The following CTNND2 variants were observed in gnomAD, a reference collection of about 807,000 sequenced individuals.
CTNND2 encodes the protein catenin delta 2.
In CTNND2, 22 loss-of-function variants were observed where a neutral mutation model predicts 144.4. The ratio of observed to expected loss-of-function variants is 0.15; its 90% confidence interval spans 0.11 to 0.22. CTNND2 has a LOEUF of 0.22. CTNND2 is among the 10% of genes least tolerant of loss of function. The pLI, the probability that CTNND2 is intolerant of heterozygous loss-of-function variation, is 1.00. For synonymous variants in CTNND2, 751 were observed against 695.6 expected (o/e 1.08, Z -1.25); for missense variants, 1,353 against 1,618.8 (o/e 0.84, Z 2.82).
intron 7 of CTNND2, among the ~76,000 whole-genome samples, chr5:11,382,599 G>GTATATGTA (rs749836379): frequency 2.5e-5 from 2 of 81,412 alleles, no homozygotes; most frequent in Non-Finnish European, 5.7e-5. Flanking sequence ...GAGACTCTGT[G>GTATATGTA]TGTGTGTGTG....
At chr5:11,771,641 C>A (rs958284124) in intron 1 of CTNND2, among the ~76,000 whole-genome samples, 1 of 152,096 alleles carries the variant, frequency 6.6e-6, no homozygotes, top group African/African-American at 2.4e-5. Flanking sequence ...CTTCTCCTGA[C>A]CCCCGTCTAT....
intron 1 of CTNND2, among the ~76,000 whole-genome samples, chr5:11,746,757 G>A (rs1788337606): frequency 6.6e-6 from 1 of 152,036 alleles, no homozygotes; most frequent in African/African-American, 2.4e-5. Context: ...CTAGTAAAGA[G>A]CTGGCATCAT....
chr5:11,683,769 C>T (rs1238141037), intron 2 of CTNND2, among the ~76,000 whole-genome samples: 1 of 152,254 alleles, frequency 6.6e-6, no homozygotes, highest in Non-Finnish European at 1.5e-5. Flanking sequence ...CCTCTGTTGA[C>T]ACCCTATGGA....
At chr5:11,417,322 A>T (rs1485103828) in intron 3 of CTNND2, among the ~76,000 whole-genome samples, 1 of 152,198 alleles carries the variant, frequency 6.6e-6, no homozygotes, top group Non-Finnish European at 1.5e-5. Flanking sequence ...TGGCTACATC[A>T]AAAGTAAAAC....
At chr5:11,295,709 C>T (rs1748876657) in intron 9 of CTNND2, among the ~76,000 whole-genome samples, 1 of 152,058 alleles carries the variant, frequency 6.6e-6, no homozygotes, top group Admixed American at 6.5e-5. Flanking sequence ...CTTTGACAAA[C>T]CTGACAAAAA....
chr5:11,617,906 C>A (rs16901801), intron 2 of CTNND2, among the ~76,000 whole-genome samples: 5,385 of 152,222 alleles, frequency 0.035, 148 homozygotes, highest in East Asian at 0.11. Flanking sequence ...TGACTGCCCA[C>A]ATTTTATGGA....
intron 9 of CTNND2, among the ~76,000 whole-genome samples, chr5:11,242,431 C>T (rs144527178): frequency 6.6e-6 from 1 of 152,282 alleles, no homozygotes; most frequent in African/African-American, 2.4e-5. Flanking sequence ...GAAATAATGT[C>T]TAAAACAGTG....
chr5:11,596,105 G>A (rs1351096519), intron 2 of CTNND2, among the ~76,000 whole-genome samples: 1 of 152,062 alleles, frequency 6.6e-6, no homozygotes, highest in African/African-American at 2.4e-5. Flanking sequence ...GGCAGAACTG[G>A]GAGTATTTTT....
At chr5:11,212,295 A>C (rs1009177902) in intron 10 of CTNND2, among the ~76,000 whole-genome samples, 1 of 152,214 alleles carries the variant, frequency 6.6e-6, no homozygotes, top group Non-Finnish European at 1.5e-5. Context: ...CCCACAGGAA[A>C]GTCACAAAAC....
chr5:11,145,210 G>C (rs1368436760), intron 12 of CTNND2, among the ~76,000 whole-genome samples: 1 of 152,042 alleles, frequency 6.6e-6, no homozygotes, highest in African/African-American at 2.4e-5. Context: ...CATTCACATT[G>C]TTGTGCCGAA....
intron 16 of CTNND2, among the ~76,000 whole-genome samples, chr5:11,064,832 C>T (rs1561247134): frequency 6.6e-6 from 1 of 152,214 alleles, no homozygotes; most frequent in Non-Finnish European, 1.5e-5. Context: ...GTCAATCACA[C>T]TGTTACTATC....
chr5:10,992,932 C>T (rs987116393), intron 18 of CTNND2, among the ~76,000 whole-genome samples: 1 of 152,156 alleles, frequency 6.6e-6, no homozygotes, highest in Non-Finnish European at 1.5e-5. Flanking sequence ...CCTTTACAAA[C>T]CCGCTCTGGT....
chr5:11,738,854 C>G (rs1383822233), intron 1 of CTNND2, among the ~76,000 whole-genome samples: 1 of 152,092 alleles, frequency 6.6e-6, no homozygotes, highest in Non-Finnish European at 1.5e-5. Context: ...TCTCTATAAG[C>G]CATGACCTCT....
intron 2 of CTNND2, among the ~76,000 whole-genome samples, chr5:11,637,001 T>C (rs1781742001): frequency 6.6e-6 from 1 of 152,128 alleles, no homozygotes; most frequent in Non-Finnish European, 1.5e-5. Context: ...AAAAAAAGGT[T>C]ACCAGCATGA....
intron 3 of CTNND2, among the ~76,000 whole-genome samples, chr5:11,437,416 CA>C (rs1355402311): frequency 1.3e-5 from 2 of 152,192 alleles, no homozygotes; most frequent in Non-Finnish European, 2.9e-5. Context: ...CTTCCAGATG[CA>C]TGAGAATCCA....
intron 12 of CTNND2, among the ~76,000 whole-genome samples, chr5:11,128,958 TA>T: frequency 2.1e-5 from 1 of 46,708 alleles, no homozygotes; most frequent in Non-Finnish European, 4.3e-5. Flanking sequence ...AATATATAAA[TA>T]TATATAATAT....
At chr5:11,477,292 A>G (rs2149967467) in intron 3 of CTNND2, among the ~76,000 whole-genome samples, 1 of 152,204 alleles carries the variant, frequency 6.6e-6, no homozygotes, top group East Asian at 1.9e-4. Flanking sequence ...TTTTTTAACA[A>G]CCATATGATG....
intron 2 of CTNND2, among the ~76,000 whole-genome samples, chr5:11,700,898 T>C (rs1202326173): frequency 6.6e-6 from 1 of 152,212 alleles, no homozygotes; most frequent in Non-Finnish European, 1.5e-5. Context: ...AAATCTGTCA[T>C]GTTGAAAGAA....
At chr5:11,764,061 C>T (rs996116577) in intron 1 of CTNND2, among the ~76,000 whole-genome samples, 3 of 152,044 alleles carry the variant, frequency 2.0e-5, no homozygotes, top group African/African-American at 7.2e-5. Context: ...TCTGGTTGAG[C>T]CCAGTGTAAT....
Sources: gnomAD v4.1 joint callset for allele counts (sites outside exome capture counted in the v4.1 genomes callset) on GRCh38, gnomAD v4.1.1 for gene constraint, MANE v1.5 for transcripts, NCBI Gene and HGNC (gene_info 2026-07-23, HGNC 2026-07-21) for gene names.